Variants in NRK observed in about 807,000 individuals in gnomAD.
NRK encodes the protein nik-related protein kinase.
In NRK, 67 loss-of-function variants were observed where a neutral mutation model predicts 125.2. The observed-to-expected ratio is 0.54, with a 90% CI of 0.44 to 0.66. The LOEUF is 0.66. Ranked by LOEUF, NRK falls within the 30% of genes least tolerant of loss-of-function variation. The pLI is 0.00. For synonymous variants in NRK, 458 were observed against 429.0 expected (o/e 1.07, Z -0.84); for missense variants, 1,224 against 1,192.9 (o/e 1.03, Z -0.38).
chrX:105,892,911 T>C (rs2040033164), intron 5 of NRK, among the ~76,000 whole-genome samples: 1 of 111,948 alleles, frequency 8.9e-6, no homozygotes, highest in South Asian at 3.7e-4. Context: ...CATTCATCTA[T>C]GGTGATAATT....
Position 105,869,893 on chromosome X carries a change from A to G in NRK, c.124-10306A>G, listed in dbSNP as rs145855378. On this transcript the variant is annotated intron_variant, in intron 2 of 28. Coordinates refer to ENST00000243300, the MANE Select transcript of NRK (RefSeq NM_198465.4). ...TGCATGAGTGTTAACTGATTCATGC[A>G]TTACATAAAGAAAGCAATCTGTGTT... 6.5e-3 allele frequency among the ~76,000 whole-genome samples: 713 copies of G among 109,568 alleles called. 5 individuals are homozygous for G. The highest frequency in any genetic ancestry group is 0.023 in the African/African-American group (651 of 28,418).
intron 2 of NRK, among the ~76,000 whole-genome samples, chrX:105,863,357 C>CACACACACACACACACAT (rs372176349): frequency 5.1e-4 from 54 of 106,489 alleles, no homozygotes; most frequent in African/African-American, 1.6e-3. Flanking sequence ...CACACACACA[C>CACACACACACACACACAT]ATACTATTTT....
At chrX:105,837,002 T>TA (rs1353866044) in intron 2 of NRK, among the ~76,000 whole-genome samples, 2 of 112,260 alleles carry the variant, frequency 1.8e-5, no homozygotes, top group Non-Finnish European at 1.9e-5. Context: ...AAGATGGAAG[T>TA]AAATTACTTT....
intron 24 of NRK, among the ~76,000 whole-genome samples, chrX:105,944,623 T>C (rs1412920120): frequency 9.0e-6 from 1 of 111,311 alleles, no homozygotes; most frequent in African/African-American, 3.3e-5. Context: ...AGAAAGTCCC[T>C]GTTTTCTCTT....
intron 2 of NRK, among the ~76,000 whole-genome samples, chrX:105,833,546 C>G (rs774345155): frequency 9.0e-6 from 1 of 110,882 alleles, no homozygotes; most frequent in Non-Finnish European, 1.9e-5. Flanking sequence ...AGGTAAGAAG[C>G]AAGGTTAAAA....
At position 105,923,190 on chromosome X, in the gene NRK, G is replaced by A. The variant is rs761587618; in HGVS notation, c.2683G>A (p.Ala895Thr). 3 of 1,206,007 alleles carry A rather than the reference G, an allele frequency of 2.5e-6. No individual in the cohort carries two copies. The South Asian group carries it at 5.3e-5, about 21-fold the overall frequency. Residue 895 changes from alanine (A) to threonine (T), a missense_variant, in exon 18 of 29, where the codon GCA (alanine) becomes ACA (threonine). Transcript: ENST00000243300. ...GACAAACGAATGGGTAGGCTATAAT[G>A]CACTCTCTGAAATCTTCCGGAATGA... ...YLTNEWVGYN[A>T]LSEIFRNDWL...
At chrX:105,873,451 G>A (rs1012286187) in intron 2 of NRK, among the ~76,000 whole-genome samples, 2 of 110,899 alleles carry the variant, frequency 1.8e-5, no homozygotes, top group Non-Finnish European at 3.8e-5. Context: ...AACAACCCTG[G>A]GCTTTGCATC....
At chrX:105,871,223 A>G (rs1167258429) in intron 2 of NRK, among the ~76,000 whole-genome samples, 3 of 111,604 alleles carry the variant, frequency 2.7e-5, no homozygotes, top group Non-Finnish European at 5.7e-5. Flanking sequence ...TCTGACCGTG[A>G]CTAGCTTCTT....
intron 2 of NRK, among the ~76,000 whole-genome samples, chrX:105,858,805 C>T (rs933543681): frequency 9.0e-6 from 1 of 111,246 alleles, no homozygotes; most frequent in African/African-American, 3.3e-5. Flanking sequence ...AACATCTGTT[C>T]GCCTATATTA....
At chrX:105,844,236 A>G (rs2039372781) in intron 2 of NRK, among the ~76,000 whole-genome samples, 1 of 111,121 alleles carries the variant, frequency 9.0e-6, no homozygotes, top group African/African-American at 3.3e-5. Context: ...AGGAACATAC[A>G]TGAGTAGGAA....
At chrX:105,911,457 A>G (rs768181207) in intron 13 of NRK, among the ~76,000 whole-genome samples, 24 of 111,841 alleles carry the variant, frequency 2.1e-4, no homozygotes, top group African/African-American at 7.1e-4. Flanking sequence ...AATAATAATC[A>G]TTGTAATAAT....
rs1381806591 is a variant in NRK, at chrX:105,934,403, G to T, written c.3458G>T (p.Gly1153Val). The change falls in exon 20 of 29, where the codon GGT becomes GTT. Residue 1153 changes from glycine to valine, a missense_variant. Gly to Val is a moderately radical substitution (Grantham distance 109). Transcript: ENST00000243300. ...GCCAATCACTCATCTCCTTCCAAAG[G>T]TTCTGGGATGTCTGCTGATGCTAAC... is the stretch of plus-strand genomic sequence containing the variant. Reference protein sequence around the residue: ...FSANHSSPSKGSGMSADANFA... With the variant: ...FSANHSSPSKVSGMSADANFA... The T allele has an allele frequency of 1.0e-5, 12 of 1,203,602 alleles. No individual in the cohort carries two copies. Among genetic ancestry groups the T allele is most frequent in the Non-Finnish European group, 1.2e-5 (11 of 890,362 alleles).
chrX:105,937,793 T>C lies in NRK; in HGVS notation c.3799+211T>C, dbSNP rs771689957. On this transcript the variant is annotated intron_variant, in intron 22 of 28. Coordinates refer to ENST00000243300, the MANE Select transcript of NRK (RefSeq NM_198465.4). ...TTGTAAAGTACCTAACCTAGGTTACTGATAAGAAAAACCACAACATTTGCA... is the reference window on the plus strand; with the variant it reads ...TTGTAAAGTACCTAACCTAGGTTACCGATAAGAAAAACCACAACATTTGCA... 4.5e-5 allele frequency among the ~76,000 whole-genome samples: 5 copies of C among 111,835 alleles called. No individual in the cohort carries two copies. In the South Asian group the frequency reaches 1.9e-3, roughly 42 times the overall value.
rs775459103 is a variant in NRK at position 105,893,493 on chromosome X, A to G, written c.379-339A>G. Among the ~76,000 whole-genome samples the G allele has an allele frequency of 2.7e-5, 3 of 111,812 alleles. No individual in the cohort carries two copies. The South Asian group carries it at 1.1e-3, about 41-fold the overall frequency. ...TGTTCCTTGCACAAACTTCTTTCTA[A>G]AAGCATGTGTTTATTTAGTTTTCCA... is the stretch of plus-strand genomic sequence containing the variant. On this transcript the variant is annotated intron_variant, in intron 5 of 28. Transcript: ENST00000243300.
intron 10 of NRK, among the ~76,000 whole-genome samples, chrX:105,905,569 T>C (rs886690537): frequency 8.9e-6 from 1 of 112,893 alleles, no homozygotes; most frequent in Non-Finnish European, 1.9e-5. Context: ...ATGATATTAC[T>C]GTACTGCCAT....
intron 2 of NRK, among the ~76,000 whole-genome samples, chrX:105,836,010 T>G (rs1441303939): frequency 8.9e-6 from 1 of 111,832 alleles, no homozygotes; most frequent in African/African-American, 3.2e-5. Context: ...TTAGTTGAAT[T>G]CTTTATACCT....
At chrX:105,845,927 AAAAG>A (rs1268631138) in intron 2 of NRK, among the ~76,000 whole-genome samples, 1 of 111,240 alleles carries the variant, frequency 9.0e-6, no homozygotes. Flanking sequence ...GGTCAAGAAA[AAAAG>A]AAGAGTTTTC....
intron 19 of NRK, among the ~76,000 whole-genome samples, chrX:105,927,862 G>T (rs1265026459): frequency 9.0e-6 from 1 of 111,080 alleles, no homozygotes; most frequent in Admixed American, 9.6e-5. Flanking sequence ...TTTTGATATG[G>T]TATTGGATTC....
At chrX:105,931,984 A>C (rs1420730458) in intron 19 of NRK, among the ~76,000 whole-genome samples, 1 of 111,122 alleles carries the variant, frequency 9.0e-6, no homozygotes, top group East Asian at 2.8e-4. Flanking sequence ...ATCCCAAACA[A>C]ACTAAACAAT....
Sources: gnomAD v4.1 joint callset for allele counts (sites outside exome capture counted in the v4.1 genomes callset) on GRCh38, gnomAD v4.1.1 for gene constraint, MANE v1.5 for transcripts, NCBI Gene and HGNC (gene_info 2026-07-23, HGNC 2026-07-21) for gene names.